The following ITGA9 variants were observed in gnomAD, a reference collection of about 807,000 sequenced individuals.
ITGA9 encodes integrin subunit alpha 9.
Under a neutral mutation model 127.8 loss-of-function variants are expected in ITGA9, and 56 were observed. The observed-to-expected ratio is 0.44, with a 90% CI of 0.35 to 0.55. ITGA9 has a LOEUF of 0.55. Ranked by LOEUF, ITGA9 falls within the 20% of genes least tolerant of loss-of-function variation. The pLI is 0.00. For synonymous variants in ITGA9, 508 were observed against 514.5 expected (o/e 0.99, Z 0.17); for missense variants, 1,196 against 1,347.1 (o/e 0.89, Z 1.76).
intron 17 of ITGA9, among the ~76,000 whole-genome samples, chr3:37,655,481 G>A (rs1471630812): frequency 6.6e-5 from 10 of 152,110 alleles, no homozygotes; most frequent in African/African-American, 1.7e-4. Context: ...TTTGTTGGCC[G>A]CATAAATGTC....
chr3:37,787,250 T>C (rs1198025405), intron 26 of ITGA9, among the ~76,000 whole-genome samples: 1 of 151,710 alleles, frequency 6.6e-6, no homozygotes, highest in Non-Finnish European at 1.5e-5. Context: ...TGGAAATAGC[T>C]AACAGGTTTT....
At chr3:37,798,439 G>T (rs1697200027) in intron 26 of ITGA9, among the ~76,000 whole-genome samples, 1 of 152,160 alleles carries the variant, frequency 6.6e-6, no homozygotes, top group South Asian at 2.1e-4. Flanking sequence ...CTCAAAGTGT[G>T]GTCCACAGAC....
intron 15 of ITGA9, among the ~76,000 whole-genome samples, chr3:37,592,085 C>A (rs888742063): frequency 1.3e-5 from 2 of 152,070 alleles, no homozygotes; most frequent in Admixed American, 1.3e-4. Context: ...GGTAGAGAAC[C>A]CTTTCATTCC....
In ITGA9 at chr3:37,452,395, G is replaced by C. The variant is rs1488107532; in HGVS notation, c.21G>C (p.Pro7=). The C allele has an allele frequency of 1.5e-6, 2 of 1,353,520 alleles. No individual in the cohort carries two copies. Among genetic ancestry groups the C allele is most frequent in the Non-Finnish European group, 1.9e-6 (2 of 1,052,794 alleles). The allele number at this position is 1,353,520 out of a possible 1,614,324, so 83.8% of individuals were successfully genotyped here. ...TGGGGATGGGCGGCCCGGCTGCGCC[G>C]AGGGGCGCCGGGAGGCTCCGCGCGC... MGGPAA[P]RGAGRLRALL... is the part of the protein sequence containing the mutation. Residue 7 remains proline (P), a synonymous_variant, in exon 1 of 28, where the codon CCG becomes CCC. Coordinates refer to ENST00000264741, the MANE Select transcript of ITGA9 (RefSeq NM_002207.3). The surrounding 1 kb of genome is among the most constrained non-coding windows in gnomAD (Gnocchi z 7.3).
At chr3:37,575,348 G>C (rs527770106) in intron 15 of ITGA9, among the ~76,000 whole-genome samples, 2 of 152,172 alleles carry the variant, frequency 1.3e-5, no homozygotes, top group Non-Finnish European at 2.9e-5. Flanking sequence ...CTAGTGTTTT[G>C]TTGAGGCTGC....
intron 23 of ITGA9, among the ~76,000 whole-genome samples, chr3:37,754,373 GA>G (rs1696625580): frequency 6.6e-6 from 1 of 152,208 alleles, no homozygotes; most frequent in African/African-American, 2.4e-5. Flanking sequence ...GCAAGAAGGG[GA>G]AAAGTCAGAA....
In ITGA9 at chr3:37,591,311, C is replaced by T. The variant is rs145125522; in HGVS notation, c.1690-37876C>T. ...TATTTGCTGGAGCATTTTCCATTTTCATATTCAGTTTAGACCTTGGCTGAA... is the reference window on the plus strand; with the variant it reads ...TATTTGCTGGAGCATTTTCCATTTTTATATTCAGTTTAGACCTTGGCTGAA... On this transcript the variant is annotated intron_variant, in intron 15 of 27. Coordinates refer to ENST00000264741, the MANE Select transcript of ITGA9 (RefSeq NM_002207.3). 8.9e-4 allele frequency among the ~76,000 whole-genome samples: 135 copies of T among 152,324 alleles called. 4 individuals carry two copies. The highest frequency in any genetic ancestry group is 8.7e-4 in the Non-Finnish European group (59 of 68,030).
intron 15 of ITGA9, among the ~76,000 whole-genome samples, chr3:37,570,359 C>G (rs1699588761): frequency 6.6e-6 from 1 of 152,174 alleles, no homozygotes; most frequent in South Asian, 2.1e-4. Flanking sequence ...GGGAATAATG[C>G]CGTCGTTAAC....
At chr3:37,815,953 G>A (rs919264675) in intron 27 of ITGA9, among the ~76,000 whole-genome samples, 3 of 152,098 alleles carry the variant, frequency 2.0e-5, no homozygotes, top group African/African-American at 7.2e-5. Context: ...GTTAGACATA[G>A]GCATTTGTGT....
chr3:37,582,236 T>G (rs912273503), intron 15 of ITGA9, among the ~76,000 whole-genome samples: 6 of 152,220 alleles, frequency 3.9e-5, no homozygotes, highest in African/African-American at 1.2e-4. Flanking sequence ...CTAAAGCATA[T>G]TTCAAGAGAA....
rs534440922 is a variant in ITGA9, at chr3:37,611,625, G to A, written c.1690-17562G>A. Among the ~76,000 whole-genome samples, 7 of 152,188 alleles carry A rather than the reference G, an allele frequency of 4.6e-5. No homozygotes were observed. The East Asian group carries it at 1.2e-3, about 25-fold the overall frequency. ...CAGGGTAATTGTGCTGGTTCAGTTA[G>A]CCCCCAAGCTGAGAAGACAGGCCCA... On this transcript the variant is annotated intron_variant, in intron 15 of 27. Coordinates refer to ENST00000264741, the MANE Select transcript of ITGA9 (RefSeq NM_002207.3).
At chr3:37,510,945 A>G (rs17036465) in intron 8 of ITGA9, among the ~76,000 whole-genome samples, 6,939 of 152,134 alleles carry the variant, frequency 0.046, 447 homozygotes, top group African/African-American at 0.15. Flanking sequence ...AACTTATTCT[A>G]CTTCTTGCCA....
intron 17 of ITGA9, among the ~76,000 whole-genome samples, chr3:37,655,445 A>G (rs1295134710): frequency 6.6e-6 from 1 of 152,218 alleles, no homozygotes; most frequent in African/African-American, 2.4e-5. Flanking sequence ...TGTAATGACC[A>G]ATGATGATGA....
intron 18 of ITGA9, among the ~76,000 whole-genome samples, chr3:37,710,107 G>T (rs1341783662): frequency 6.6e-6 from 1 of 152,184 alleles, no homozygotes; most frequent in African/African-American, 2.4e-5. Flanking sequence ...GTGCCAGGGA[G>T]GGGAGGAACA....
At chr3:37,751,935 G>A (rs904923104) in intron 23 of ITGA9, among the ~76,000 whole-genome samples, 1 of 152,206 alleles carries the variant, frequency 6.6e-6, no homozygotes. Context: ...TTCATCGTAT[G>A]GAAAAGTAAA....
intron 20 of ITGA9, among the ~76,000 whole-genome samples, chr3:37,738,142 G>T (rs934656796): frequency 1.2e-4 from 19 of 152,110 alleles, no homozygotes; most frequent in Admixed American, 1.1e-3. Context: ...ATTTTCTATT[G>T]ACACTATTTT....
At chr3:37,661,801 C>T (rs1282932924) in intron 17 of ITGA9, among the ~76,000 whole-genome samples, 2 of 152,160 alleles carry the variant, frequency 1.3e-5, no homozygotes, top group Non-Finnish European at 2.9e-5. Context: ...GATAGTGGTA[C>T]CACACAGTGA....
At chr3:37,705,282 G>C (rs1045098176) in intron 18 of ITGA9, among the ~76,000 whole-genome samples, 2 of 152,168 alleles carry the variant, frequency 1.3e-5, no homozygotes, top group African/African-American at 2.4e-5. Flanking sequence ...ACTTATAAAA[G>C]TACCATTTAC....
intron 14 of ITGA9, among the ~76,000 whole-genome samples, chr3:37,535,612 G>T (rs17036599): frequency 0.02 from 2,977 of 152,270 alleles, 103 homozygotes; most frequent in African/African-American, 0.067. Flanking sequence ...AAGCAACCTG[G>T]CTTATATCTG....
Sources: gnomAD v4.1 joint callset for allele counts (sites outside exome capture counted in the v4.1 genomes callset) on GRCh38, gnomAD v4.1.1 for gene constraint, Gnocchi (gnomAD v3.1) non-coding constraint, MANE v1.5 for transcripts, NCBI Gene and HGNC (gene_info 2026-07-23, HGNC 2026-07-21) for gene names.